Variants in MACROD2 observed in about 807,000 individuals in gnomAD.
MACROD2 encodes the protein ADP-ribose glycohydrolase MACROD2.
Under a neutral mutation model 70.4 loss-of-function variants are expected in MACROD2, and 36 were observed. That is an observed-to-expected ratio of 0.51 (90% CI 0.39 to 0.68). The LOEUF is 0.68. MACROD2 is among the 30% of genes least tolerant of loss of function. The pLI is 0.00. For synonymous variants in MACROD2, 172 were observed against 178.8 expected (o/e 0.96, Z 0.30); for missense variants, 496 against 538.4 (o/e 0.92, Z 0.78).
chr20:15,219,650 T>C (rs1177220737), intron 5 of MACROD2, among the ~76,000 whole-genome samples: 1 of 152,118 alleles, frequency 6.6e-6, no homozygotes, highest in Non-Finnish European at 1.5e-5. Context: ...GGGCCTGGAG[T>C]GAAGACGTAG....
intron 5 of MACROD2, among the ~76,000 whole-genome samples, chr20:14,685,771 T>G (rs1051002783): frequency 6.6e-6 from 1 of 152,210 alleles, no homozygotes; most frequent in Non-Finnish European, 1.5e-5. Context: ...CCACTTCTTA[T>G]GATACTGCTG....
rs76663524 is a variant in MACROD2, at chr20:15,221,231, C to G, written c.419-8709C>G. Among the ~76,000 whole-genome samples, 260 of 152,306 alleles carry G rather than the reference C, an allele frequency of 1.7e-3. 1 individual carries two copies. Among genetic ancestry groups the G allele is most frequent in the African/African-American group, 6.1e-3 (254 of 41,572 alleles). On this transcript the variant is annotated intron_variant, in intron 5 of 17. Transcript: ENST00000684519. ...GTTGCTGACATCTCTTGAACCAGAA[C>G]AAAGATCTTATTATCATCTTCCTTG... is the stretch of plus-strand genomic sequence containing the variant.
chr20:14,720,536 C>CCTT (rs2071453300), intron 5 of MACROD2, among the ~76,000 whole-genome samples: 1 of 35,946 alleles, frequency 2.8e-5, no homozygotes, highest in Admixed American at 5.2e-4. Flanking sequence ...TGCCCCACAA[C>CCTT]TTTTTTTTTT....
At position 14,119,090 on chromosome 20, in the gene MACROD2, C is replaced by G. The variant is rs539639731; in HGVS notation, c.271+33362C>G. Reference sequence around the variant, plus strand: ...CTCGAACTCCTGACCTCAAGTGATCCACCTGCCTCAGCCTCCCAAAGTGCT... The same window carrying G: ...CTCGAACTCCTGACCTCAAGTGATCGACCTGCCTCAGCCTCCCAAAGTGCT... On this transcript the variant is annotated intron_variant, in intron 3 of 17. Coordinates refer to ENST00000684519, the MANE Select transcript of MACROD2 (RefSeq NM_001351661.2). Among the ~76,000 whole-genome samples the G allele has an allele frequency of 1.2e-4, 18 of 151,208 alleles. 1 individual carries two copies. In the East Asian group the frequency reaches 3.5e-3, roughly 29 times the overall value.
At chr20:15,176,085 G>T (rs1265402173) in intron 5 of MACROD2, among the ~76,000 whole-genome samples, 3 of 152,354 alleles carry the variant, frequency 2.0e-5, no homozygotes, top group African/African-American at 4.8e-5. Flanking sequence ...ATGTGGCCAG[G>T]TATGTGTATT....
At chr20:14,118,325 G>A (rs1385887552) in intron 3 of MACROD2, among the ~76,000 whole-genome samples, 3 of 152,106 alleles carry the variant, frequency 2.0e-5, no homozygotes, top group African/African-American at 4.8e-5. Flanking sequence ...TTGGTAGGAC[G>A]CACAGAGGAT....
chr20:15,050,743 T>A (rs189012167), intron 5 of MACROD2, among the ~76,000 whole-genome samples: 25 of 151,448 alleles, frequency 1.7e-4, no homozygotes, highest in Admixed American at 1.4e-3. Flanking sequence ...TTTTTAAGCC[T>A]AGGTTGCTTT....
rs377483086 is a variant in MACROD2 at position 14,326,622 on chromosome 20, G to T, written c.272-166857G>T. 2 of 1,613,672 alleles carry T rather than the reference G, an allele frequency of 1.2e-6. No individual in the cohort carries two copies. The highest frequency in any genetic ancestry group is 2.7e-5 in the African/African-American group (2 of 74,870). The stretch of plus-strand genomic sequence containing the variant: ...TGCGAAGAATCAGTTGTGTTATATT[G>T]TCCAAATCATCAAAGATACCCTGAG... On this transcript the variant is annotated intron_variant, in intron 3 of 17. Transcript: ENST00000684519. This position sits in a 1 kb window ranked among gnomAD's most constrained non-coding sequence, Gnocchi z 5.5.
chr20:15,181,484 C>T (rs2076500168), intron 5 of MACROD2, among the ~76,000 whole-genome samples: 1 of 152,164 alleles, frequency 6.6e-6, no homozygotes, highest in African/African-American at 2.4e-5. Flanking sequence ...AGGCCAACAG[C>T]AGTGTGTTGG....
At position 14,252,073 on chromosome 20, in the gene MACROD2, A is replaced by T. The variant is rs531058888; in HGVS notation, c.271+166345A>T. Among the ~76,000 whole-genome samples the T allele has an allele frequency of 2.6e-5, 4 of 152,208 alleles. No individual in the cohort carries two copies. In the East Asian group the frequency reaches 5.8e-4, roughly 22 times the overall value. ...CTTTTATGTGTCCCACTATGGACACACTGCCTTGGGGAAGATGTTAAATAT... is the reference window on the plus strand; with the variant it reads ...CTTTTATGTGTCCCACTATGGACACTCTGCCTTGGGGAAGATGTTAAATAT... On this transcript the variant is annotated intron_variant, in intron 3 of 17. Transcript: ENST00000684519.
intron 3 of MACROD2, among the ~76,000 whole-genome samples, chr20:14,102,084 A>G (rs1223241365): frequency 7.1e-4 from 93 of 131,740 alleles, no homozygotes; most frequent in African/African-American, 2.6e-3. Flanking sequence ...GCTCACTGCA[A>G]CCTCCGCCTC....
chr20:14,502,265 C>T (rs180988725), intron 4 of MACROD2, among the ~76,000 whole-genome samples: 170 of 152,252 alleles, frequency 1.1e-3, no homozygotes, highest in African/African-American at 4.0e-3. Flanking sequence ...CTTTTATAAT[C>T]TTTTTTGTTT....
chr20:14,571,723 A>G (rs1342435525), intron 4 of MACROD2, among the ~76,000 whole-genome samples: 3 of 152,082 alleles, frequency 2.0e-5, no homozygotes, highest in African/African-American at 7.2e-5. Context: ...GCATTCTATT[A>G]AAATCAAAGG....
chr20:14,394,962 T>C (rs1156703956), intron 3 of MACROD2, among the ~76,000 whole-genome samples: 1 of 152,194 alleles, frequency 6.6e-6, no homozygotes, highest in African/African-American at 2.4e-5. Flanking sequence ...CAAAATATGC[T>C]ATCTTTTTAA....
intron 3 of MACROD2, among the ~76,000 whole-genome samples, chr20:14,396,460 CCTT>C: frequency 6.6e-6 from 1 of 152,140 alleles, no homozygotes; most frequent in Non-Finnish European, 1.5e-5. Context: ...CATAGTGAAA[CCTT>C]CTTTATTCTT....
Position 15,759,202 on chromosome 20 carries a change from A to G in MACROD2, c.646-103543A>G, listed in dbSNP as rs937493838. ...CCCCATAGTCATTCTATCCTTCCAA[A>G]GACAAAGATGTTCAAAGATGCCTCT... On this transcript the variant is annotated intron_variant, in intron 8 of 17. Coordinates refer to ENST00000684519, the MANE Select transcript of MACROD2 (RefSeq NM_001351661.2). Among the ~76,000 whole-genome samples, 8 of 151,410 alleles carry G rather than the reference A, an allele frequency of 5.3e-5. No individual in the cohort carries two copies. The South Asian group carries it at 1.7e-3, about 32-fold the overall frequency.
At chr20:15,246,895 A>C (rs1355481364) in intron 6 of MACROD2, among the ~76,000 whole-genome samples, 2 of 152,262 alleles carry the variant, frequency 1.3e-5, no homozygotes, top group Non-Finnish European at 2.9e-5. Flanking sequence ...AAGTACTGAC[A>C]CATGGTACAA....
At chr20:14,815,903 G>A (rs537028563) in intron 5 of MACROD2, among the ~76,000 whole-genome samples, 43 of 152,050 alleles carry the variant, frequency 2.8e-4, no homozygotes, top group African/African-American at 1.0e-3. Context: ...GTTGGTCATT[G>A]TTTCTAAAAA....
intron 3 of MACROD2, among the ~76,000 whole-genome samples, chr20:14,239,140 A>T (rs560586463): frequency 6.6e-6 from 1 of 152,144 alleles, no homozygotes; most frequent in African/African-American, 2.4e-5. Flanking sequence ...AAAAGAGAAT[A>T]AAGTACTTAG....
Sources: gnomAD v4.1 joint callset for allele counts (sites outside exome capture counted in the v4.1 genomes callset) on GRCh38, gnomAD v4.1.1 for gene constraint, Gnocchi (gnomAD v3.1) non-coding constraint, MANE v1.5 for transcripts, NCBI Gene and HGNC (gene_info 2026-07-23, HGNC 2026-07-21) for gene names.